The following MAP3K14 variants were observed in gnomAD, a reference collection of about 807,000 sequenced individuals.
The protein encoded by MAP3K14 is mitogen-activated protein kinase kinase kinase 14.
In MAP3K14, 16 loss-of-function variants were observed where a neutral mutation model predicts 99.2. The observed-to-expected ratio is 0.16, with a 90% CI of 0.11 to 0.24. The LOEUF (loss-of-function observed/expected upper bound fraction) is 0.24. MAP3K14 is among the 10% of genes least tolerant of loss of function. The probability of loss-of-function intolerance (pLI) is 1.00; values close to 1 mark genes in which losing one functional copy is unlikely to be tolerated. For missense variants in MAP3K14, 784 were observed against 1,208.7 expected (o/e 0.65, Z 5.21); for synonymous variants, 462 against 492.4 (o/e 0.94, Z 0.82).
intron 1 of MAP3K14, among the ~76,000 whole-genome samples, chr17:45,299,685 A>G (rs759400455): frequency 5.3e-5 from 8 of 152,224 alleles, no homozygotes; most frequent in Non-Finnish European, 4.4e-5. Context: ...CAGGAGAGTA[A>G]TTTCTGAATA....
chr17:45,303,826 G>C (rs2044409263), intron 1 of MAP3K14, among the ~76,000 whole-genome samples: 1 of 150,282 alleles, frequency 6.7e-6, no homozygotes, highest in African/African-American at 2.4e-5. Flanking sequence ...TCGTGATCCA[G>C]CCGCCTCGGC....
chr17:45,273,666 C>T, intron 8 of MAP3K14, 59 bp from the exon 9 acceptor site: 1 of 1,389,846 alleles, frequency 7.2e-7, no homozygotes, highest in Non-Finnish European at 1.0e-6. Flanking sequence ...TCCCAGCCCA[C>T]CCTGGCTCGG....
intron 1 of MAP3K14, among the ~76,000 whole-genome samples, chr17:45,312,330 G>C (rs561014038): frequency 5.3e-5 from 8 of 152,120 alleles, no homozygotes; most frequent in African/African-American, 1.9e-4. Context: ...AGGCCTGCTG[G>C]TTTCATTTTC....
chr17:45,299,959 G>A (rs1326470987), intron 1 of MAP3K14, among the ~76,000 whole-genome samples: 18 of 151,876 alleles, frequency 1.2e-4, no homozygotes, highest in African/African-American at 3.9e-4. Flanking sequence ...GCATGGTGGC[G>A]CGTGCCTGTA....
At chr17:45,299,887 C>G (rs2044373048) in intron 1 of MAP3K14, among the ~76,000 whole-genome samples, 1 of 151,844 alleles carries the variant, frequency 6.6e-6, no homozygotes. Flanking sequence ...GTCAGGAGTT[C>G]AAGACCAGCC....
chr17:45,302,597 T>C (rs1464353872), intron 1 of MAP3K14, among the ~76,000 whole-genome samples: 3 of 152,210 alleles, frequency 2.0e-5, no homozygotes, highest in Non-Finnish European at 4.4e-5. Context: ...CATGAGCCAC[T>C]GTGCCCGGCC....
intron 1 of MAP3K14, among the ~76,000 whole-genome samples, chr17:45,305,048 A>AT (rs2044420188): frequency 6.6e-6 from 1 of 152,238 alleles, no homozygotes; most frequent in East Asian, 1.9e-4. Context: ...ATGAGCAGTC[A>AT]GACCTTTGTA....
Position 45,267,107 on chromosome 17 carries a change from C to T in MAP3K14, c.2418G>A (p.Ser806=), listed in dbSNP as rs190992383. The stretch of plus-strand genomic sequence containing the variant: ...ACCGACTCACCTTCTCACTGTCATC[C>T]GACAGGGAGAGGCTGTCGATGCTGA... The part of the protein sequence containing the change: ...SCLSIDSLSL[S]DDSEKNPSKA... The change falls in exon 13 of 16, where the codon TCG becomes TCA. Residue 806 remains serine (S), a synonymous_variant. Coordinates refer to ENST00000344686, the MANE Select transcript of MAP3K14 (RefSeq NM_003954.5). The surrounding 1 kb of genome is among the most constrained non-coding windows in gnomAD (Gnocchi z 5.1). 202 of 1,587,412 alleles carry T rather than the reference C, an allele frequency of 1.3e-4. No homozygotes were observed. The African/African-American group carries it at 1.6e-3, about 13-fold the overall frequency.
At chr17:45,293,661 C>T (rs1035499631) in intron 1 of MAP3K14, among the ~76,000 whole-genome samples, 3 of 152,216 alleles carry the variant, frequency 2.0e-5, no homozygotes, top group African/African-American at 7.2e-5. Context: ...GCACAAATCA[C>T]GGCCTGGGAG....
intron 11 of MAP3K14, among the ~76,000 whole-genome samples, chr17:45,269,776 C>T (rs2044127833): frequency 6.6e-6 from 1 of 152,168 alleles, no homozygotes; most frequent in South Asian, 2.1e-4. Flanking sequence ...CATGCCTTGC[C>T]CTATGCATCT....
At chr17:45,278,153 T>C (rs1418649597) in intron 6 of MAP3K14, among the ~76,000 whole-genome samples, 1 of 152,038 alleles carries the variant, frequency 6.6e-6, no homozygotes, top group Non-Finnish European at 1.5e-5. Flanking sequence ...TCCAAAAGAG[T>C]TGGGGAAACT....
chr17:45,284,926 C>T lies in MAP3K14; in HGVS notation c.1176G>A (p.Glu392=). Residue 392 remains glutamate, a synonymous_variant, in exon 6 of 16, where the codon GAG becomes GAA. Transcript: ENST00000344686. The part of the protein sequence containing the change: ...LTEKLKPVDY[E]YREEVHWATH... Reference sequence around the variant, plus strand: ...TGGCCCAGTGGACTTCTTCTCGGTACTCATAATCCACTGGCTTGAGTTTCT... The same window carrying T: ...TGGCCCAGTGGACTTCTTCTCGGTATTCATAATCCACTGGCTTGAGTTTCT... 1 of 1,553,298 alleles carries T rather than the reference C, an allele frequency of 6.4e-7. No individual in the cohort carries two copies.
At chr17:45,268,431 TTTAAA>T (rs1266251658) in intron 11 of MAP3K14, 2 of 152,220 alleles carry the variant, frequency 1.3e-5, no homozygotes, top group African/African-American at 4.8e-5. Flanking sequence ...TTTTTATTTT[TTTAAA>T]GAGATGAGGT....
In MAP3K14 at chr17:45,286,377, C is replaced by G; in HGVS notation, c.1152+54G>C. On this transcript the variant is annotated intron_variant, in intron 5 of 15. Transcript: ENST00000344686. This position sits in a 1 kb window ranked among gnomAD's most constrained non-coding sequence, Gnocchi z 4.1. The stretch of plus-strand genomic sequence containing the variant: ...AGTGACTCTGATAAAGAGAGAAAAG[C>G]ATCCCCCAGGTTGCTGGTAGAGGGA... 1 of 1,496,566 alleles carries G rather than the reference C, an allele frequency of 6.7e-7. No homozygotes were observed. The highest frequency in any genetic ancestry group is 8.9e-7 in the Non-Finnish European group (1 of 1,120,132). The allele number at this position is 1,496,566 out of a possible 1,614,324, so 92.7% of individuals were successfully genotyped here. A position where few individuals can be genotyped will look rare whatever the true frequency, so the allele number is the denominator to read the frequency against.
rs764688712 is a variant in MAP3K14, at chr17:45,271,024, C to A, written c.1821+34G>T. On this transcript the variant is annotated intron_variant, in intron 10 of 15. Coordinates refer to ENST00000344686, the MANE Select transcript of MAP3K14 (RefSeq NM_003954.5). The stretch of plus-strand genomic sequence containing the variant: ...GCCTGGGCCCCAGGGCCCTGCAGCT[C>A]CCCCTGTTGGCCATGCTGGGTGCCG... 5.6e-6 allele frequency: 9 copies of A among 1,602,360 alleles called. No individual in the cohort carries two copies. In the East Asian group the frequency reaches 2.0e-4, roughly 36 times the overall value.
intron 5 of MAP3K14, among the ~76,000 whole-genome samples, chr17:45,285,349 G>C (rs897220787): frequency 5.3e-5 from 8 of 152,200 alleles, no homozygotes; most frequent in African/African-American, 1.7e-4. Context: ...GGAGGGGCCA[G>C]GCATGGTGGC....
At chr17:45,293,846 G>T (rs563958740) in intron 1 of MAP3K14, among the ~76,000 whole-genome samples, 46 of 151,960 alleles carry the variant, frequency 3.0e-4, no homozygotes, top group African/African-American at 8.9e-4. Flanking sequence ...TGCACACACA[G>T]ACACACACAC....
rs372339711 is a variant in MAP3K14 at position 45,289,226 on chromosome 17, C to A, written c.326+10G>T. 3 of 1,613,468 alleles carry A rather than the reference C, an allele frequency of 1.9e-6. No homozygotes were observed. The South Asian group carries it at 3.3e-5, about 18-fold the overall frequency. On this transcript the variant is annotated intron_variant, in intron 3 of 15. Transcript: ENST00000344686. ...CCACCTTCCCACTCAGGCTTGTCTC[C>A]CCTGCTTACCTGTACTGTTTGGACC...
Position 45,267,058 on chromosome 17 carries a change from T to C in MAP3K14, c.2433+34A>G. On this transcript the variant is annotated intron_variant, in intron 13 of 15. Coordinates refer to ENST00000344686, the MANE Select transcript of MAP3K14 (RefSeq NM_003954.5). The surrounding 1 kb of genome is among the most constrained non-coding windows in gnomAD (Gnocchi z 5.1). ...GCCAGGGCCGGGAAAACCACACCCC[T>C]GGAGCCATGGCTCCGGGGCCACAAC... 3 of 1,458,482 alleles carry C rather than the reference T, an allele frequency of 2.1e-6. No individual in the cohort carries two copies. Among genetic ancestry groups the C allele is most frequent in the Non-Finnish European group, 2.8e-6 (3 of 1,061,368 alleles). 90.3% of individuals were successfully genotyped at this position (1,458,482 alleles called of 1,614,324 possible). A position where few individuals can be genotyped will look rare whatever the true frequency, so the allele number is the denominator to read the frequency against.
Sources: gnomAD v4.1 joint callset for allele counts (sites outside exome capture counted in the v4.1 genomes callset) on GRCh38, gnomAD v4.1.1 for gene constraint, Gnocchi (gnomAD v3.1) non-coding constraint, MANE v1.5 for transcripts, NCBI Gene and HGNC (gene_info 2026-07-23, HGNC 2026-07-21) for gene names.